Variants in SF3B2 observed in about 807,000 individuals in gnomAD.
The protein encoded by SF3B2 is SAP 145.
Under a neutral mutation model 116.3 loss-of-function variants are expected in SF3B2, and 22 were observed. That is an observed-to-expected ratio of 0.19 (90% CI 0.14 to 0.27). The LOEUF (loss-of-function observed/expected upper bound fraction) is 0.27, where lower values mean the gene tolerates loss of function less well. SF3B2 is among the 10% of genes least tolerant of loss of function. The pLI, the probability that SF3B2 is intolerant of heterozygous loss-of-function variation, is 1.00. For missense variants in SF3B2, 767 were observed against 1,151.4 expected (o/e 0.67, Z 4.83); for synonymous variants, 406 against 421.6 (o/e 0.96, Z 0.45).
chr11:66,057,029 A>T, intron 6 of SF3B2, 74 bp downstream of exon 6: 2 of 1,158,646 alleles, frequency 1.7e-6, no homozygotes, highest in Middle Eastern at 2.0e-4. Flanking sequence ...TAAGGTATCT[A>T]TCACATTTAA....
intron 3 of SF3B2, among the ~76,000 whole-genome samples, chr11:66,054,303 C>T (rs1483778377): frequency 1.3e-5 from 2 of 151,306 alleles, no homozygotes; most frequent in Non-Finnish European, 2.9e-5. Context: ...ATGGTGAAAC[C>T]TTGTCTCTAC....
chr11:66,061,553 AG>A, intron 14 of SF3B2, 132 bp from the exon 15 acceptor site: 1 of 707,520 alleles, frequency 1.4e-6, no homozygotes, highest in Non-Finnish European at 2.5e-6. Flanking sequence ...GACTTTGGCC[AG>A]GGAAAGAAGT....
chr11:66,060,477 G>A (rs1179311051), intron 13 of SF3B2, 105 bp from the exon 14 acceptor site: 2 of 1,341,232 alleles, frequency 1.5e-6, no homozygotes, highest in Admixed American at 1.9e-5. Context: ...CTTTCAGGGT[G>A]AGATAATTGA....
Position 66,058,306 on chromosome 11 carries a change from C to T in SF3B2, c.875-8C>T. On this transcript the variant is annotated splice_polypyrimidine_tract_variant and splice_region_variant and intron_variant, in intron 8 of 21. Coordinates refer to ENST00000322535, the MANE Select transcript of SF3B2 (RefSeq NM_006842.3). ...CGTGAAGACTCATCACCACCTTCTT[C>T]CTTACAGAGGAAGAGGAAATGGAAA... The T allele has an allele frequency of 6.2e-7, 1 of 1,613,572 alleles. No homozygotes were observed. Among genetic ancestry groups the T allele is most frequent in the Non-Finnish European group, 8.5e-7 (1 of 1,179,674 alleles).
Position 66,058,929 on chromosome 11 carries a change from C to T in SF3B2, c.1066C>T (p.Arg356Trp), listed in dbSNP as rs750093943. 1.9e-5 allele frequency: 30 copies of T among 1,613,972 alleles called. No individual in the cohort carries two copies. Among genetic ancestry groups the T allele is most frequent in the East Asian group, 4.5e-5 (2 of 44,890 alleles). ...SSGDREKDST[R>W]SRGSDSPAAD... ...TGGGGACCGGGAGAAAGACTCAACC[C>T]GGTCCCGTGGCTCTGATTCCCCAGC... Residue 356 changes from arginine to tryptophan, a missense_variant, in exon 10 of 22, where the codon CGG becomes TGG. Arg to Trp is a moderately radical substitution (Grantham distance 101, BLOSUM62 -3). This residue lies in a region of SF3B2 where 455 missense variants were observed against 537.5 expected (regional missense o/e 0.85). Transcript: ENST00000322535.
In SF3B2 at chr11:66,059,853, C is replaced by T. The variant is rs1857071837; in HGVS notation, c.1473C>T (p.Leu491=). The change falls in exon 13 of 22, where the codon CTC becomes CTT. Residue 491 remains leucine, a synonymous_variant. Coordinates refer to ENST00000322535, the MANE Select transcript of SF3B2 (RefSeq NM_006842.3). The surrounding 1 kb of genome is among the most constrained non-coding windows in gnomAD (Gnocchi z 5.0). ...AGGACCCTAAGCTCTTGGTTCACCTCAAGGCCACTCGGAACTCTGTGCCTG... is the reference window on the plus strand; with the variant it reads ...AGGACCCTAAGCTCTTGGTTCACCTTAAGGCCACTCGGAACTCTGTGCCTG... The part of the protein sequence containing the change: ...TAQDPKLLVH[L]KATRNSVPVP... 1.2e-6 allele frequency: 2 copies of T among 1,614,220 alleles called. No individual in the cohort carries two copies. The highest frequency in any genetic ancestry group is 1.7e-5 in the Admixed American group (1 of 60,032).
chr11:66,052,421 T>C lies in SF3B2; in HGVS notation c.37T>C (p.Leu13=). The part of the protein sequence containing the change: ...TEHPEPPKAE[L]QLPPPPPPGH... ...GCATCCCGAGCCTCCCAAAGCAGAATTGCAGCTGCCGCCGCCGCCACCTCC... is the reference window on the plus strand; with the variant it reads ...GCATCCCGAGCCTCCCAAAGCAGAACTGCAGCTGCCGCCGCCGCCACCTCC... The change falls in exon 1 of 22, where the codon TTG becomes CTG. Residue 13 remains leucine (L), a synonymous_variant. Coordinates refer to ENST00000322535, the MANE Select transcript of SF3B2 (RefSeq NM_006842.3). 1.9e-6 allele frequency: 3 copies of C among 1,612,960 alleles called. No individual in the cohort carries two copies. The highest frequency in any genetic ancestry group is 2.2e-5 in the East Asian group (1 of 44,808).
chr11:66,052,864 C>A, intron 2 of SF3B2, 145 bp downstream of exon 2: 2 of 1,234,442 alleles, frequency 1.6e-6, no homozygotes, highest in Non-Finnish European at 2.3e-6. Context: ...TTGCCTTTGC[C>A]AGCTTAGTTG....
At position 66,061,780 on chromosome 11, in the gene SF3B2, G is replaced by A; in HGVS notation, c.1869+5G>A. The A allele has an allele frequency of 6.2e-7, 1 of 1,613,018 alleles. No homozygotes were observed. Among genetic ancestry groups the A allele is most frequent in the Non-Finnish European group, 8.5e-7 (1 of 1,178,918 alleles). The stretch of plus-strand genomic sequence containing the variant: ...TTGGGGATGCCAGTAGGACCAGTGA[G>A]TGTCAGTTAGCTGTCTGGGGAAGCA... On this transcript the variant is annotated splice_donor_5th_base_variant and intron_variant, in intron 15 of 21. Coordinates refer to ENST00000322535, the MANE Select transcript of SF3B2 (RefSeq NM_006842.3).
At chr11:66,053,213 C>A in intron 3 of SF3B2, 109 bp downstream of exon 3, 1 of 1,015,096 alleles carries the variant, frequency 9.9e-7, no homozygotes, top group Non-Finnish European at 1.6e-6. Flanking sequence ...CACCCTTGCA[C>A]ATTACTCGCC....
chr11:66,061,394 A>G (rs1857098114), intron 14 of SF3B2, among the ~76,000 whole-genome samples: 2 of 152,192 alleles, frequency 1.3e-5, no homozygotes. Context: ...CCATGATGTC[A>G]TGGAATTTAT....
At chr11:66,054,915 C>T (rs1856964468) in intron 3 of SF3B2, among the ~76,000 whole-genome samples, 161 bp from the exon 4 acceptor site, 1 of 152,148 alleles carries the variant, frequency 6.6e-6, no homozygotes, top group African/African-American at 2.4e-5. Flanking sequence ...AGTTAACATT[C>T]TCATATCTTT....
At chr11:66,066,837 TTC>T (rs1290878483) in intron 19 of SF3B2, 2 of 153,140 alleles carry the variant, frequency 1.3e-5, no homozygotes. Flanking sequence ...AGGTCTCGAG[TTC>T]TCTCTCTGCT....
chr11:66,068,428 G>A, intron 21 of SF3B2, 95 bp downstream of exon 21: 1 of 1,283,188 alleles, frequency 7.8e-7, no homozygotes, highest in Non-Finnish European at 1.1e-6. Flanking sequence ...GAGAGTGAGG[G>A]TGGCCTCTGC....
In SF3B2 at chr11:66,058,995, A is replaced by G; in HGVS notation, c.1132A>G (p.Ile378Val). Residue 378 changes from isoleucine (I) to valine (V), a missense_variant, in exon 10 of 22, where the codon ATT (isoleucine) becomes GTT (valine). Physicochemically the swap from Ile to Val is conservative, Grantham distance 29. Around this residue, in one of 4 missense-constraint regions of SF3B2, gnomAD observed 455 missense variants for 537.5 expected, o/e 0.85. Transcript: ENST00000322535. ...TGAGTATGTGACTGAAGAACCTGAAATTTACGAGCCCAACTTTATCTTCTT... is the reference window on the plus strand; with the variant it reads ...TGAGTATGTGACTGAAGAACCTGAAGTTTACGAGCCCAACTTTATCTTCTT... ...EIEYVTEEPE[I>V]YEPNFIFFKR... The G allele has an allele frequency of 6.2e-7, 1 of 1,614,118 alleles. No individual in the cohort carries two copies. Among genetic ancestry groups the G allele is most frequent in the Non-Finnish European group, 8.5e-7 (1 of 1,180,022 alleles).
Position 66,059,817 on chromosome 11 carries a change from T to C in SF3B2, c.1437T>C (p.Asp479=), listed in dbSNP as rs759524858. 22 of 1,614,106 alleles carry C rather than the reference T, an allele frequency of 1.4e-5. No homozygotes were observed. Among genetic ancestry groups the C allele is most frequent in the Admixed American group, 8.3e-5 (5 of 60,002 alleles). The change falls in exon 13 of 22, where the codon GAT becomes GAC. Residue 479 remains aspartate (D), a synonymous_variant. Coordinates refer to ENST00000322535, the MANE Select transcript of SF3B2 (RefSeq NM_006842.3). The surrounding 1 kb of genome is among the most constrained non-coding windows in gnomAD (Gnocchi z 5.0). The stretch of plus-strand genomic sequence containing the variant: ...GGCCCGATGTCGTGGAGATGCACGA[T>C]GTGACAGCGCAGGACCCTAAGCTCT... ...VARPDVVEMH[D]VTAQDPKLLV... is the part of the protein sequence containing the mutation.
intron 3 of SF3B2, 83 bp downstream of exon 3, chr11:66,053,187 C>A: frequency 7.7e-7 from 1 of 1,307,064 alleles, no homozygotes; most frequent in South Asian, 1.2e-5. Context: ...TGTTCACGTG[C>A]ATGTGTGAGA....
Position 66,068,678 on chromosome 11 carries a change from A to G in SF3B2, c.2621A>G (p.Lys874Arg). 6.2e-7 allele frequency: 1 copy of G among 1,614,030 alleles called. No individual in the cohort carries two copies. Among genetic ancestry groups the G allele is most frequent in the Non-Finnish European group, 8.5e-7 (1 of 1,179,998 alleles). The change falls in exon 22 of 22, where the codon AAA becomes AGA. Residue 874 changes from lysine (K) to arginine (R), a missense_variant. Lys to Arg is a conservative substitution (Grantham distance 26). Around this residue, in one of 4 missense-constraint regions of SF3B2, gnomAD observed 27 missense variants for 28.0 expected, o/e 0.96. Transcript: ENST00000322535. The stretch of plus-strand genomic sequence containing the variant: ...TGTCTCTTTCTCCCTATACAGCAAA[A>G]AAAACGGAAAGCTCAGCCCCAGGAC... ...VAEHAAKQKQ[K>R]KRKAQPQDSR...
Position 66,059,421 on chromosome 11 carries a change from T to G in SF3B2, c.1320+83T>G, listed in dbSNP as rs1590712964. The G allele has an allele frequency of 5.6e-6, 9 of 1,609,900 alleles. No homozygotes were observed. The East Asian group carries it at 2.0e-4, about 36-fold the overall frequency. Reference sequence around the variant, plus strand: ...CATCCAGAGAGGGACCATGGTGAACTCTTACAGAGCTTTGGTGGCTTAAGG... The same window carrying G: ...CATCCAGAGAGGGACCATGGTGAACGCTTACAGAGCTTTGGTGGCTTAAGG... On this transcript the variant is annotated intron_variant, in intron 11 of 21. Transcript: ENST00000322535. This position sits in a 1 kb window ranked among gnomAD's most constrained non-coding sequence, Gnocchi z 5.0.
Sources: gnomAD v4.1 joint callset for allele counts (sites outside exome capture counted in the v4.1 genomes callset) on GRCh38, gnomAD v4.1.1 for gene constraint, gnomAD v4.1.1 regional missense constraint, Gnocchi (gnomAD v3.1) non-coding constraint, MANE v1.5 for transcripts, NCBI Gene and HGNC (gene_info 2026-07-23, HGNC 2026-07-21) for gene names.